The following CMIP variants were observed in gnomAD, a reference collection of about 807,000 sequenced individuals.
The protein encoded by CMIP is c-Maf inducing protein.
Under a neutral mutation model 97.3 loss-of-function variants are expected in CMIP, and 13 were observed. That is an observed-to-expected ratio of 0.13 (90% CI 0.09 to 0.21). The LOEUF (loss-of-function observed/expected upper bound fraction) is 0.21. CMIP is among the 10% of genes least tolerant of loss of function. The probability of loss-of-function intolerance (pLI) is 1.00; values close to 1 mark genes in which losing one functional copy is unlikely to be tolerated. For synonymous variants in CMIP, 538 were observed against 436.3 expected, an observed-to-expected ratio of 1.23 and a Z score of -2.91; for missense variants, 847 against 1,024.9, an observed-to-expected ratio of 0.83 and a Z score of 2.37.
At chr16:81,521,146 T>C (rs941302305) in intron 1 of CMIP, among the ~76,000 whole-genome samples, 4 of 152,372 alleles carry the variant, frequency 2.6e-5, no homozygotes, top group Admixed American at 6.5e-5. Context: ...TGGATTGTTC[T>C]GGAAGGCTTT....
chr16:81,679,451 C>T (rs977033401), intron 10 of CMIP, among the ~76,000 whole-genome samples: 4 of 152,020 alleles, frequency 2.6e-5, no homozygotes, highest in South Asian at 2.1e-4. Flanking sequence ...GTTGTGTGAG[C>T]CATGCATGCC....
intron 1 of CMIP, among the ~76,000 whole-genome samples, chr16:81,606,675 C>T (rs2091749660): frequency 6.6e-6 from 1 of 152,084 alleles, no homozygotes; most frequent in African/African-American, 2.4e-5. Flanking sequence ...CAGACCTAGG[C>T]CCTGACTTCA....
At chr16:81,684,916 A>C (rs1025255642) in intron 10 of CMIP, among the ~76,000 whole-genome samples, 2 of 152,214 alleles carry the variant, frequency 1.3e-5, no homozygotes, top group African/African-American at 2.4e-5. Flanking sequence ...AGACTGCCCC[A>C]GTGGCCAGAG....
intron 1 of CMIP, among the ~76,000 whole-genome samples, chr16:81,586,759 T>A (rs2091390226): frequency 1.3e-5 from 2 of 152,178 alleles, no homozygotes; most frequent in South Asian, 4.1e-4. Context: ...CACATGGAAT[T>A]CTACTAATGT....
intron 1 of CMIP, among the ~76,000 whole-genome samples, chr16:81,558,838 T>G (rs542899270): frequency 6.6e-6 from 1 of 152,342 alleles, no homozygotes; most frequent in Non-Finnish European, 1.5e-5. Flanking sequence ...GTAGGCCCAC[T>G]GTTCCTCCCG....
At chr16:81,520,572 G>GAGAGAGAGAGAA (rs2090002568) in intron 1 of CMIP, 1 of 120,534 alleles carries the variant, frequency 8.3e-6, no homozygotes, top group African/African-American at 3.0e-5. Flanking sequence ...GGAAGGGGGA[G>GAGAGAGAGAGAA]AGAGAGAGAG....
chr16:81,582,080 TA>T (rs914204232), intron 1 of CMIP, among the ~76,000 whole-genome samples: 4 of 152,056 alleles, frequency 2.6e-5, no homozygotes, highest in Non-Finnish European at 5.9e-5. Flanking sequence ...CCACACACTT[TA>T]AACCACCAGA....
chr16:81,573,520 G>C (rs2091134041), intron 1 of CMIP, among the ~76,000 whole-genome samples: 1 of 152,192 alleles, frequency 6.6e-6, no homozygotes, highest in Non-Finnish European at 1.5e-5. Flanking sequence ...GCAGGAGACT[G>C]AGGACATCGA....
rs775942418 is a variant in CMIP at position 81,607,673 on chromosome 16, G to A, written c.407G>A (p.Gly136Glu). 1 of 1,613,950 alleles carries A rather than the reference G, an allele frequency of 6.2e-7. No individual in the cohort carries two copies. Residue 136 changes from glycine (G) to glutamate (E), a missense_variant, in exon 2 of 21, where the codon GGG becomes GAG. Gly to Glu is a moderately conservative substitution (Grantham distance 98). Around this residue, in one of 4 missense-constraint regions of CMIP, gnomAD observed 285 missense variants for 392.2 expected, o/e 0.73. Transcript: ENST00000537098. ...TACTGTTTACAGCTCACGATTCCTG[G>A]GGGAACTGTCTTACTGCAGGTAGGA... ...PKYCLQLTIP[G>E]GTVLLQAANS...
At chr16:81,673,515 CAAAA>C (rs869158087) in intron 9 of CMIP, among the ~76,000 whole-genome samples, 3 of 121,170 alleles carry the variant, frequency 2.5e-5, no homozygotes, top group East Asian at 4.8e-4. Flanking sequence ...GACTCCTTCT[CAAAA>C]ATAAATAAAT....
At chr16:81,570,543 A>G (rs560827952) in intron 1 of CMIP, among the ~76,000 whole-genome samples, 1 of 152,192 alleles carries the variant, frequency 6.6e-6, no homozygotes, top group African/African-American at 2.4e-5. Context: ...CGAGGTGGAA[A>G]CGCCAGGGAG....
chr16:81,501,183 C>T (rs2089604399), intron 1 of CMIP, among the ~76,000 whole-genome samples: 1 of 152,192 alleles, frequency 6.6e-6, no homozygotes, highest in Non-Finnish European at 1.5e-5. Context: ...TTCCACTGGG[C>T]CTGATGGGGT....
intron 1 of CMIP, chr16:81,519,388 A>C (rs1005078805): frequency 6.6e-6 from 1 of 152,272 alleles, no homozygotes; most frequent in Non-Finnish European, 1.5e-5. Context: ...TTGAGAGCAG[A>C]GCCTGGGCTG....
intron 1 of CMIP, among the ~76,000 whole-genome samples, chr16:81,541,158 C>T (rs2090442423): frequency 6.6e-6 from 1 of 152,064 alleles, no homozygotes; most frequent in African/African-American, 2.4e-5. Flanking sequence ...GTTCCCCTTC[C>T]TCCACCCCCG....
chr16:81,589,740 A>G (rs768724308), intron 1 of CMIP, among the ~76,000 whole-genome samples: 13 of 152,276 alleles, frequency 8.5e-5, no homozygotes, highest in Non-Finnish European at 1.3e-4. Flanking sequence ...AAATGCATAC[A>G]GAGAAGCACA....
At chr16:81,482,720 T>C (rs1555521338) in intron 1 of CMIP, among the ~76,000 whole-genome samples, 1 of 152,214 alleles carries the variant, frequency 6.6e-6, no homozygotes, top group Non-Finnish European at 1.5e-5. Flanking sequence ...CATCTTCCCA[T>C]TGCTGGAGAA....
chr16:81,613,235 C>G (rs956912616), intron 2 of CMIP, among the ~76,000 whole-genome samples: 2 of 152,190 alleles, frequency 1.3e-5, no homozygotes, highest in African/African-American at 4.8e-5. Flanking sequence ...CGTGCCACAT[C>G]CTTCCTCCTC....
intron 10 of CMIP, among the ~76,000 whole-genome samples, chr16:81,687,345 C>G (rs1905519398): frequency 6.6e-6 from 1 of 152,194 alleles, no homozygotes; most frequent in African/African-American, 2.4e-5. Context: ...CGGATGGGGA[C>G]TGCTCCAGTG....
rs2091917348 is a variant in CMIP at position 81,616,289 on chromosome 16, G to C, written c.427-4587G>C. On this transcript the variant is annotated intron_variant, in intron 2 of 20. Coordinates refer to ENST00000537098, the MANE Select transcript of CMIP (RefSeq NM_198390.3). The surrounding 1 kb of genome is among the most constrained non-coding windows in gnomAD (Gnocchi z 4.7). ...GCCTCAGGGTGTGGGCCGAGGGCTT[G>C]AAGAAGTGGCCGCCAGAAGCTTCAG... is the stretch of plus-strand genomic sequence containing the variant. Among the ~76,000 whole-genome samples, 1 of 152,088 alleles carries C rather than the reference G, an allele frequency of 6.6e-6. No homozygotes were observed. Among genetic ancestry groups the C allele is most frequent in the Non-Finnish European group, 1.5e-5 (1 of 68,002 alleles).
Sources: allele counts gnomAD v4.1 joint callset (sites outside exome capture counted in the v4.1 genomes callset), GRCh38; gene constraint gnomAD v4.1.1; regional missense constraint gnomAD v4.1.1; non-coding constraint Gnocchi (gnomAD v3.1); transcripts MANE v1.5; gene names NCBI Gene and HGNC (gene_info 2026-07-23, HGNC 2026-07-21).